AKAP10: variants seen among roughly 807,000 people sequenced by gnomAD.
The protein encoded by AKAP10 is A-kinase anchor protein 10, mitochondrial.
Under a neutral mutation model 80.8 loss-of-function variants are expected in AKAP10, and 24 were observed. The observed-to-expected ratio is 0.30, with a 90% CI of 0.22 to 0.42. The LOEUF is 0.42. Among genes scored for constraint, AKAP10 ranks in the 10% least tolerant of loss-of-function variants. AKAP10 has a pLI of 1.00. For synonymous variants in AKAP10, 291 were observed against 277.7 expected, an observed-to-expected ratio of 1.05 and a Z score of -0.48; for missense variants, 661 against 794.9, an observed-to-expected ratio of 0.83 and a Z score of 2.03.
chr17:19,957,004 A>G (rs1043780165), intron 4 of AKAP10, among the ~76,000 whole-genome samples: 4 of 152,172 alleles, frequency 2.6e-5, no homozygotes, highest in African/African-American at 9.7e-5. Flanking sequence ...ACTGAGAATG[A>G]GTGAACTAAA....
At chr17:19,940,148 A>C (rs564414640) in intron 7 of AKAP10, among the ~76,000 whole-genome samples, 1 of 152,336 alleles carries the variant, frequency 6.6e-6, no homozygotes, top group South Asian at 2.1e-4. Flanking sequence ...TTGCCAGCAA[A>C]CATATAAAGA....
rs1265231465 is a variant in AKAP10, at chr17:19,946,259, ATATATATATATATATATTTTTTTTT to A, written c.976+1123_976+1147del. ...ATATTATATATATATATATATATAT[ATATATATATATATATATTTTTTTTT>A]TTTTTTTTTTTTTTTGGCAGGGGGT... On this transcript the variant is annotated intron_variant, in intron 5 of 14. Transcript: ENST00000225737. Among the ~76,000 whole-genome samples, 120 of 23,924 alleles carry A rather than the reference ATATATATATATATATATTTTTTTTT, an allele frequency of 5.0e-3. 7 individuals are homozygous for A. Among genetic ancestry groups the A allele is most frequent in the African/African-American group, 0.021 (119 of 5,656 alleles). The allele number at this position is 23,924 out of a possible 152,430, so 15.7% of individuals were successfully genotyped here.
chr17:19,974,936 C>CTTGA (rs1285913487), intron 1 of AKAP10, among the ~76,000 whole-genome samples: 1 of 152,116 alleles, frequency 6.6e-6, no homozygotes, highest in Non-Finnish European at 1.5e-5. Context: ...TCCCAAAGCC[C>CTTGA]TTGATTACAG....
intron 4 of AKAP10, among the ~76,000 whole-genome samples, chr17:19,949,798 G>T (rs1425212042): frequency 2.7e-5 from 4 of 148,624 alleles, no homozygotes; most frequent in African/African-American, 5.0e-5. Context: ...AAAAAAAAAC[G>T]GTGTTATTAA....
chr17:19,957,486 G>A (rs912401409), intron 4 of AKAP10, among the ~76,000 whole-genome samples: 1 of 151,774 alleles, frequency 6.6e-6, no homozygotes, highest in African/African-American at 2.4e-5. Flanking sequence ...AGTGAGCCGA[G>A]ACCGCGCCAT....
chr17:19,939,853 G>A lies in AKAP10; in HGVS notation c.1186-4C>T, dbSNP rs1381558467. On this transcript the variant is annotated splice_polypyrimidine_tract_variant and splice_region_variant and intron_variant, in intron 7 of 14. Transcript: ENST00000225737. ...CTGCATCCTCTTTTTCCATGTACTAGGAAGAAAAAATACACAAGGGAAAAT... is the reference window on the plus strand; with the variant it reads ...CTGCATCCTCTTTTTCCATGTACTAAGAAGAAAAAATACACAAGGGAAAAT... The A allele has an allele frequency of 6.2e-7, 1 of 1,607,918 alleles. No homozygotes were observed. Among genetic ancestry groups the A allele is most frequent in the Admixed American group, 1.7e-5 (1 of 58,780 alleles).
chr17:19,941,707 T>C, intron 6 of AKAP10, 119 bp downstream of exon 6: 1 of 636,566 alleles, frequency 1.6e-6, no homozygotes, highest in Non-Finnish European at 2.3e-6. Flanking sequence ...TATGATCTTG[T>C]AAATATCCAA....
At chr17:19,975,758 A>G (rs959162885) in intron 1 of AKAP10, among the ~76,000 whole-genome samples, 15 of 152,160 alleles carry the variant, frequency 9.9e-5, no homozygotes, top group African/African-American at 3.4e-4. Flanking sequence ...CTAGCACAGC[A>G]CCTGGCAGAC....
intron 12 of AKAP10, among the ~76,000 whole-genome samples, chr17:19,913,845 G>C (rs1479813519): frequency 2.6e-5 from 4 of 152,092 alleles, no homozygotes; most frequent in Admixed American, 2.6e-4. Context: ...AATCCCAAAT[G>C]AAATTCTTAA....
chr17:19,942,809 A>G (rs780255967), intron 5 of AKAP10, among the ~76,000 whole-genome samples: 5 of 152,096 alleles, frequency 3.3e-5, no homozygotes, highest in Non-Finnish European at 5.9e-5. Context: ...AAGGGATCAT[A>G]CTAGTGTCCT....
At chr17:19,951,914 T>TAAAAAAAAA (rs759583171) in intron 4 of AKAP10, among the ~76,000 whole-genome samples, 20 of 85,986 alleles carry the variant, frequency 2.3e-4, no homozygotes, top group East Asian at 3.0e-4. Flanking sequence ...AAATAAGAAT[T>TAAAAAAAAA]AAAAAAAAAA....
Position 19,946,275 on chromosome 17 carries a change from A to ATTTT in AKAP10, c.976+1128_976+1131dup, listed in dbSNP as rs71157846. Reference sequence around the variant, plus strand: ...TATATATATATATATATATATATATATTTTTTTTTTTTTTTTTTTTTTTTG... The same window carrying ATTTT: ...TATATATATATATATATATATATATATTTTTTTTTTTTTTTTTTTTTTTTTTTTG... On this transcript the variant is annotated intron_variant, in intron 5 of 14. Transcript: ENST00000225737. 2.4e-3 allele frequency among the ~76,000 whole-genome samples: 31 copies of ATTTT among 12,940 alleles called. 7 individuals carry two copies. The highest frequency in any genetic ancestry group is 9.0e-3 in the Admixed American group (5 of 558). 8.5% of individuals were successfully genotyped at this position (12,940 alleles called of 152,430 possible).
At chr17:19,946,221 TTTATATATATATATA>T (rs1241013403) in intron 5 of AKAP10, among the ~76,000 whole-genome samples, 4 of 26,992 alleles carry the variant, frequency 1.5e-4, no homozygotes, top group East Asian at 2.2e-3. Context: ...ATATATATAT[TTTATATATATATATA>T]TTATATATAT....
In AKAP10 at chr17:19,931,844, A is replaced by G. The variant is rs562498114; in HGVS notation, c.1602T>C (p.Asp534=). 1.9e-6 allele frequency: 3 copies of G among 1,614,126 alleles called. No homozygotes were observed. Among genetic ancestry groups the G allele is most frequent in the Non-Finnish European group, 2.5e-6 (3 of 1,180,010 alleles). Residue 534 remains aspartate (D), a synonymous_variant, in exon 10 of 15, where the codon GAT becomes GAC. Transcript: ENST00000225737. Reference sequence around the variant, plus strand: ...TGTCAGAACTCCCTGGGTGAGACTCATCAGGAGGGCCAACAGAGCCAGGAG... The same window carrying G: ...TGTCAGAACTCCCTGGGTGAGACTCGTCAGGAGGGCCAACAGAGCCAGGAG... ...LTAPGSVGPP[D]ESHPGSSDSS...
At chr17:19,966,207 G>A (rs1288971129) in intron 2 of AKAP10, among the ~76,000 whole-genome samples, 1 of 152,116 alleles carries the variant, frequency 6.6e-6, no homozygotes, top group East Asian at 1.9e-4. Flanking sequence ...CCAGAAGGTA[G>A]GTATCAATCT....
At position 19,946,241 on chromosome 17, in the gene AKAP10, A is replaced by T. The variant is rs1313984604; in HGVS notation, c.976+1166T>A. Among the ~76,000 whole-genome samples, 16 of 10,744 alleles carry T rather than the reference A, an allele frequency of 1.5e-3. No individual in the cohort carries two copies. The East Asian group carries it at 0.02, about 14-fold the overall frequency. The allele number at this position is 10,744 out of a possible 152,430, so 7.0% of individuals were successfully genotyped here. ...TATATTTTATATATATATATATTAT[A>T]TATATATATATATATATATATATAT... is the stretch of plus-strand genomic sequence containing the variant. On this transcript the variant is annotated intron_variant, in intron 5 of 14. Transcript: ENST00000225737.
rs143042383 is a variant in AKAP10, at chr17:19,954,817, C to T, written c.877+3197G>A. 5.3e-5 allele frequency among the ~76,000 whole-genome samples: 8 copies of T among 151,994 alleles called. No individual in the cohort carries two copies. The East Asian group carries it at 1.4e-3, about 26-fold the overall frequency. ...CAACCACAATACTTTTAAAAGGAAA[C>T]ATATGAGAAAATCTTCATGACCTTT... On this transcript the variant is annotated intron_variant, in intron 4 of 14. Transcript: ENST00000225737.
rs769930651 is a variant in AKAP10, at chr17:19,947,517, G to A, written c.878-12C>T. 16 of 1,596,490 alleles carry A rather than the reference G, an allele frequency of 1.0e-5. No homozygotes were observed. The highest frequency in any genetic ancestry group is 2.2e-5 in the East Asian group (1 of 44,748). Reference sequence around the variant, plus strand: ...ATCTTGTTCTATACCTGCAAGGGAAGAAGAGAACTTCAAAAACCAAAAAGC... The same window carrying A: ...ATCTTGTTCTATACCTGCAAGGGAAAAAGAGAACTTCAAAAACCAAAAAGC... On this transcript the variant is annotated splice_polypyrimidine_tract_variant and intron_variant, in intron 4 of 14. Coordinates refer to ENST00000225737, the MANE Select transcript of AKAP10 (RefSeq NM_007202.4).
At position 19,968,398 on chromosome 17, in the gene AKAP10, C is replaced by A; in HGVS notation, c.136+16G>T. On this transcript the variant is annotated intron_variant, in intron 2 of 14. Transcript: ENST00000225737. The stretch of plus-strand genomic sequence containing the variant: ...ATCACTTTTTAATGCAGTGGACTGC[C>A]AAGGGCAGAACTTACCTTTAATGGA... 6.2e-7 allele frequency: 1 copy of A among 1,610,662 alleles called. No homozygotes were observed. Among genetic ancestry groups the A allele is most frequent in the Non-Finnish European group, 8.5e-7 (1 of 1,177,408 alleles).
Sources: gnomAD v4.1 joint callset for allele counts (sites outside exome capture counted in the v4.1 genomes callset) on GRCh38, gnomAD v4.1.1 for gene constraint, MANE v1.5 for transcripts, NCBI Gene and HGNC (gene_info 2026-07-23, HGNC 2026-07-21) for gene names.